The following COL8A1 variants were observed in gnomAD, a reference collection of about 807,000 sequenced individuals.
COL8A1 encodes the protein collagen type VIII alpha 1 chain, also known as collagen alpha-1(VIII) chain.
A neutral mutation model predicts 42.7 loss-of-function variants in COL8A1; 21 were observed. That is an observed-to-expected ratio of 0.49 (90% confidence interval 0.35 to 0.71). The LOEUF (loss-of-function observed/expected upper bound fraction) is 0.71, where lower values mean the gene tolerates loss of function less well. Among genes scored for constraint, COL8A1 ranks in the 30% least tolerant of loss-of-function variants. COL8A1 has a pLI of 0.01. For synonymous variants in COL8A1, 367 were observed against 369.1 expected, an observed-to-expected ratio of 0.99 and a Z score of 0.06; for missense variants, 788 against 962.4, an observed-to-expected ratio of 0.82 and a Z score of 2.40.
chr3:99,755,852 C>CTTGCAGGCTG (rs1056232421), intron 2 of COL8A1, among the ~76,000 whole-genome samples: 1 of 152,128 alleles, frequency 6.6e-6, no homozygotes, highest in Non-Finnish European at 1.5e-5. Flanking sequence ...TCGCTTAGGT[C>CTTGCAGGCTG]TTGCAGGCTG....
At chr3:99,688,076 G>A (rs146118761) in intron 1 of COL8A1, among the ~76,000 whole-genome samples, 44 of 152,246 alleles carry the variant, frequency 2.9e-4, no homozygotes, top group Non-Finnish European at 5.1e-4. Flanking sequence ...AATAGCTATA[G>A]GTTTAGCTGT....
intron 1 of COL8A1, among the ~76,000 whole-genome samples, chr3:99,689,514 C>A (rs759888135): frequency 3.3e-5 from 5 of 152,184 alleles, no homozygotes; most frequent in Non-Finnish European, 7.3e-5. Flanking sequence ...GGTTAATCCC[C>A]TAGGCATTAA....
At chr3:99,715,961 C>T (rs138165115) in intron 1 of COL8A1, among the ~76,000 whole-genome samples, 17 of 152,170 alleles carry the variant, frequency 1.1e-4, no homozygotes, top group African/African-American at 3.4e-4. Context: ...AAAGGTCTTA[C>T]GCCTTCACTC....
chr3:99,712,956 A>G (rs1293811399), intron 1 of COL8A1, among the ~76,000 whole-genome samples: 1 of 152,124 alleles, frequency 6.6e-6, no homozygotes, highest in Admixed American at 6.6e-5. Context: ...CAAGTCTTTT[A>G]TAGACTCAAA....
At chr3:99,662,614 G>C (rs1173001723) in intron 1 of COL8A1, among the ~76,000 whole-genome samples, 1 of 152,068 alleles carries the variant, frequency 6.6e-6, no homozygotes, top group Non-Finnish European at 1.5e-5. Context: ...GATTACTAAG[G>C]CTAGCACGAC....
chr3:99,718,375 AGAG>A (rs1178493111), intron 1 of COL8A1, among the ~76,000 whole-genome samples: 1 of 152,076 alleles, frequency 6.6e-6, no homozygotes, highest in Non-Finnish European at 1.5e-5. Context: ...GGGGGGCCAG[AGAG>A]GAGAACAAAC....
intron 2 of COL8A1, among the ~76,000 whole-genome samples, chr3:99,786,602 C>A (rs1392011612): frequency 6.6e-6 from 1 of 152,112 alleles, no homozygotes; most frequent in Non-Finnish European, 1.5e-5. Context: ...GACTAAGACA[C>A]CTGCATTGCT....
At chr3:99,758,890 G>T (rs1214487461) in intron 2 of COL8A1, among the ~76,000 whole-genome samples, 1 of 151,906 alleles carries the variant, frequency 6.6e-6, no homozygotes, top group Non-Finnish European at 1.5e-5. Context: ...TAGATGCCAG[G>T]CACTGTTCTA....
chr3:99,668,018 G>T (rs1326369837), intron 1 of COL8A1, among the ~76,000 whole-genome samples: 1 of 152,000 alleles, frequency 6.6e-6, no homozygotes, highest in Non-Finnish European at 1.5e-5. Context: ...ATGTCCATCA[G>T]CATTTGAGTT....
chr3:99,675,958 C>T (rs527461170), intron 1 of COL8A1, among the ~76,000 whole-genome samples: 2 of 151,968 alleles, frequency 1.3e-5, no homozygotes, highest in East Asian at 1.9e-4. Context: ...AATGTCTTGG[C>T]GAACTTAAAA....
intron 1 of COL8A1, among the ~76,000 whole-genome samples, chr3:99,743,597 A>C (rs1342654607): frequency 6.7e-6 from 1 of 149,056 alleles, no homozygotes; most frequent in African/African-American, 2.5e-5. Context: ...CACTATCCAC[A>C]GGTAAATTAA....
intron 1 of COL8A1, among the ~76,000 whole-genome samples, chr3:99,729,254 T>C (rs1207638758): frequency 6.6e-6 from 1 of 152,038 alleles, no homozygotes; most frequent in Non-Finnish European, 1.5e-5. Flanking sequence ...TAAGCTGATG[T>C]TGCTTTTTCT....
chr3:99,733,801 C>A (rs992947619), intron 1 of COL8A1, among the ~76,000 whole-genome samples: 1 of 151,792 alleles, frequency 6.6e-6, no homozygotes, highest in African/African-American at 2.4e-5. Flanking sequence ...CACATCCTCT[C>A]CAGCACCTGT....
chr3:99,694,999 AAT>A (rs1939327820), intron 1 of COL8A1, among the ~76,000 whole-genome samples: 1 of 152,184 alleles, frequency 6.6e-6, no homozygotes, highest in Non-Finnish European at 1.5e-5. Flanking sequence ...TTTGTTTAGT[AAT>A]AGTTAAGAGT....
At chr3:99,697,310 C>T (rs1425151200) in intron 1 of COL8A1, among the ~76,000 whole-genome samples, 1 of 152,152 alleles carries the variant, frequency 6.6e-6, no homozygotes, top group Non-Finnish European at 1.5e-5. Flanking sequence ...ACACAAAGAA[C>T]TTGAGTGTAT....
At chr3:99,694,077 C>T (rs1019458042) in intron 1 of COL8A1, among the ~76,000 whole-genome samples, 3 of 152,180 alleles carry the variant, frequency 2.0e-5, no homozygotes, top group African/African-American at 4.8e-5. Flanking sequence ...GTAGGCTCTA[C>T]GATCTAGGCT....
intron 1 of COL8A1, among the ~76,000 whole-genome samples, chr3:99,667,024 G>T (rs1211995403): frequency 6.6e-6 from 1 of 152,072 alleles, no homozygotes; most frequent in Non-Finnish European, 1.5e-5. Context: ...ATATGTATAT[G>T]AAAAGAATAA....
intron 1 of COL8A1, chr3:99,678,459 A>G (rs1015378725): frequency 1.3e-5 from 2 of 152,204 alleles, no homozygotes; most frequent in Non-Finnish European, 2.9e-5. Flanking sequence ...TGAATGCACT[A>G]GAAAGATATG....
chr3:99,740,510 GAGA>G (rs1274044736), intron 1 of COL8A1, among the ~76,000 whole-genome samples: 1 of 152,158 alleles, frequency 6.6e-6, no homozygotes, highest in African/African-American at 2.4e-5. Context: ...TGGCAGCAGG[GAGA>G]AGTATAAGTG....
Sources: gnomAD v4.1 joint callset for allele counts (sites outside exome capture counted in the v4.1 genomes callset) on GRCh38, gnomAD v4.1.1 for gene constraint, MANE v1.5 for transcripts, NCBI Gene and HGNC (gene_info 2026-07-23, HGNC 2026-07-21) for gene names.